Variants in CAMK2N1 observed in about 807,000 individuals in gnomAD.
CAMK2N1 encodes calcium/calmodulin dependent protein kinase II inhibitor 1, also known as calcium/calmodulin-dependent protein kinase II inhibitor 1.
Under a neutral mutation model 6.4 loss-of-function variants are expected in CAMK2N1, and 2 were observed. That is an observed-to-expected ratio of 0.31 (90% CI 0.13 to 0.98). The LOEUF (loss-of-function observed/expected upper bound fraction) is 0.98, where lower values mean the gene tolerates loss of function less well. Among genes scored for constraint, CAMK2N1 ranks in the 50% least tolerant of loss-of-function variants. The probability of loss-of-function intolerance (pLI) is 0.51; values close to 1 mark genes in which losing one functional copy is unlikely to be tolerated. For synonymous variants in CAMK2N1, 42 were observed against 47.5 expected (o/e 0.88, Z 0.47); for missense variants, 77 against 107.3 (o/e 0.72, Z 1.25).
In CAMK2N1 at chr1:20,482,903, T is replaced by TA. The variant is rs766892818; in HGVS notation, c.*745dup. 2 of 146,132 alleles carry TA rather than the reference T, an allele frequency of 1.4e-5. No homozygotes were observed. Among genetic ancestry groups the TA allele is most frequent in the Non-Finnish European group, 3.0e-5 (2 of 66,370 alleles). 9.1% of individuals were successfully genotyped at this position (146,132 alleles called of 1,614,324 possible). A position where few individuals can be genotyped will look rare whatever the true frequency, so the allele number is the denominator to read the frequency against. ...TGTGTGTGTGTGTGTTTTTCTGACA[T>TA]AAAAAATGTGTCCATTTGCATTAAC... is the stretch of plus-strand genomic sequence containing the variant. On this transcript the variant is annotated 3_prime_UTR_variant, in exon 2 of 2. Coordinates refer to ENST00000375078, the MANE Select transcript of CAMK2N1 (RefSeq NM_018584.6).
At position 20,482,856 on chromosome 1, in the gene CAMK2N1, C is replaced by CATGTGTGTGT. The variant is rs143510553; in HGVS notation, c.*792_*793insACACACACAT. 6.8e-6 allele frequency: 1 copy of CATGTGTGTGT among 146,388 alleles called. No individual in the cohort carries two copies. Among genetic ancestry groups the CATGTGTGTGT allele is most frequent in the Non-Finnish European group, 1.5e-5 (1 of 66,790 alleles). The allele number at this position is 146,388 out of a possible 1,614,324, so 9.1% of individuals were successfully genotyped here. A position where few individuals can be genotyped will look rare whatever the true frequency, so the allele number is the denominator to read the frequency against. ...CTCAAGCATTTTTTTCTTTGTTTTT[C>CATGTGTGTGT]GTGTGTGTGTGTGTGTGTGTGTGTG... On this transcript the variant is annotated 3_prime_UTR_variant, in exon 2 of 2. Coordinates refer to ENST00000375078, the MANE Select transcript of CAMK2N1 (RefSeq NM_018584.6).
At chr1:20,483,812 G>T in intron 1 of CAMK2N1, 93 bp from the exon 2 acceptor site, 1 of 1,137,798 alleles carries the variant, frequency 8.8e-7, no homozygotes, top group East Asian at 2.4e-5. Context: ...GGGAGGTCGG[G>T]AGAGGAGAGG....
In CAMK2N1 at chr1:20,485,230, G is replaced by T; in HGVS notation, c.150C>A (p.Ile50=). 1 of 1,597,162 alleles carries T rather than the reference G, an allele frequency of 6.3e-7. No homozygotes were observed. The highest frequency in any genetic ancestry group is 8.5e-7 in the Non-Finnish European group (1 of 1,174,760). ...QNKRPPKLGQ[I]GRSKRVVIED... ...CGAACTCACCCCGCTTGCTCCGGCCGATCTGGCCCAGCTTGGGCGGCCGCT... is the reference window on the plus strand; with the variant it reads ...CGAACTCACCCCGCTTGCTCCGGCCTATCTGGCCCAGCTTGGGCGGCCGCT... Residue 50 remains isoleucine, a synonymous_variant, in exon 1 of 2, where the codon ATC becomes ATA. Coordinates refer to ENST00000375078, the MANE Select transcript of CAMK2N1 (RefSeq NM_018584.6). This position sits in a 1 kb window ranked among gnomAD's most constrained non-coding sequence, Gnocchi z 8.4.
At position 20,486,160 on chromosome 1, in the gene CAMK2N1, G is replaced by C. The variant is rs1373879427; in HGVS notation, c.-781C>G. ...GAGGGAAGGAAGGGAGAAAAACAGAGGGGGGAGAGGGAGGCAGGGATAGAG... is the reference window on the plus strand; with the variant it reads ...GAGGGAAGGAAGGGAGAAAAACAGACGGGGGAGAGGGAGGCAGGGATAGAG... On this transcript the variant is annotated 5_prime_UTR_variant, in exon 1 of 2. Coordinates refer to ENST00000375078, the MANE Select transcript of CAMK2N1 (RefSeq NM_018584.6). The surrounding 1 kb of genome is among the most constrained non-coding windows in gnomAD (Gnocchi z 6.5). The C allele has an allele frequency of 6.6e-6, 1 of 151,770 alleles. No homozygotes were observed. Among genetic ancestry groups the C allele is most frequent in the East Asian group, 2.0e-4 (1 of 5,068 alleles). The allele number at this position is 151,770 out of a possible 1,614,324, so 9.4% of individuals were successfully genotyped here.
rs1348650830 is a variant in CAMK2N1, at chr1:20,483,846, C to A, written c.167-127G>T. The A allele has an allele frequency of 1.5e-5, 12 of 788,648 alleles. No individual in the cohort carries two copies. In the Admixed American group the frequency reaches 2.2e-4, roughly 14 times the overall value. The allele number at this position is 788,648 out of a possible 1,614,324, so 48.9% of individuals were successfully genotyped here. On this transcript the variant is annotated intron_variant, in intron 1 of 1. Transcript: ENST00000375078. ...GGGCGAGGGAGCAGGGCTCACTGCGCGGTGAAACAGCTCCATCCTCCGTCC... is the reference window on the plus strand; with the variant it reads ...GGGCGAGGGAGCAGGGCTCACTGCGAGGTGAAACAGCTCCATCCTCCGTCC...
chr1:20,485,092 T>C lies in CAMK2N1; in HGVS notation c.166+122A>G. ...GGACCCGCAGTGCGGGATCCCCCAATTCTGCAAGAAGGGATTCCGTCAGGT... is the reference window on the plus strand; with the variant it reads ...GGACCCGCAGTGCGGGATCCCCCAACTCTGCAAGAAGGGATTCCGTCAGGT... On this transcript the variant is annotated intron_variant, in intron 1 of 1. Transcript: ENST00000375078. The surrounding 1 kb of genome is among the most constrained non-coding windows in gnomAD (Gnocchi z 8.4). 8.7e-7 allele frequency: 1 copy of C among 1,146,124 alleles called. No individual in the cohort carries two copies. Among genetic ancestry groups the C allele is most frequent in the Non-Finnish European group, 1.2e-6 (1 of 850,782 alleles). The allele number at this position is 1,146,124 out of a possible 1,614,324, so 71.0% of individuals were successfully genotyped here.
chr1:20,485,062 C>T lies in CAMK2N1; in HGVS notation c.166+152G>A. The T allele has an allele frequency of 1.1e-6, 1 of 926,592 alleles. No individual in the cohort carries two copies. The highest frequency in any genetic ancestry group is 1.5e-6 in the Non-Finnish European group (1 of 662,750). The allele number at this position is 926,592 out of a possible 1,614,324, so 57.4% of individuals were successfully genotyped here. A position where few individuals can be genotyped will look rare whatever the true frequency, so the allele number is the denominator to read the frequency against. On this transcript the variant is annotated intron_variant, in intron 1 of 1. Transcript: ENST00000375078. This position sits in a 1 kb window ranked among gnomAD's most constrained non-coding sequence, Gnocchi z 8.4. Reference sequence around the variant, plus strand: ...GGGGACGCGTTCCTGCGACCCGCTTCAGCCGGACCCGCAGTGCGGGATCCC... The same window carrying T: ...GGGGACGCGTTCCTGCGACCCGCTTTAGCCGGACCCGCAGTGCGGGATCCC...
At position 20,483,627 on chromosome 1, in the gene CAMK2N1, T is replaced by G. The variant is rs1244472016; in HGVS notation, c.*22A>C. ...TTACCGCCGTTCTTATTCTCTCCCT[T>G]AACTCATTGTCTTTGGGGGAGTTAG... On this transcript the variant is annotated 3_prime_UTR_variant, in exon 2 of 2. Coordinates refer to ENST00000375078, the MANE Select transcript of CAMK2N1 (RefSeq NM_018584.6). 6.2e-7 allele frequency: 1 copy of G among 1,602,088 alleles called. No individual in the cohort carries two copies. Among genetic ancestry groups the G allele is most frequent in the Non-Finnish European group, 8.6e-7 (1 of 1,169,028 alleles).
rs532495482 is a variant in CAMK2N1, at chr1:20,483,439, T to C, written c.*210A>G. The C allele has an allele frequency of 1.3e-5, 5 of 376,182 alleles. No individual in the cohort carries two copies. Among genetic ancestry groups the C allele is most frequent in the Non-Finnish European group, 2.4e-5 (5 of 212,002 alleles). The allele number at this position is 376,182 out of a possible 1,614,324, so 23.3% of individuals were successfully genotyped here. A position where few individuals can be genotyped will look rare whatever the true frequency, so the allele number is the denominator to read the frequency against. ...AATTTTATTTATTTTTTTATTTTTA[T>C]TTTTGCAGAGGAGCCCAGAGCCTTC... On this transcript the variant is annotated 3_prime_UTR_variant, in exon 2 of 2. Transcript: ENST00000375078.
chr1:20,483,792 T>G, intron 1 of CAMK2N1, 73 bp from the exon 2 acceptor site: 1 of 1,372,222 alleles, frequency 7.3e-7, no homozygotes, highest in South Asian at 1.2e-5. Context: ...TTTCCCGTTA[T>G]GCCCAGAGTG....
chr1:20,484,241 C>T lies in CAMK2N1; in HGVS notation c.167-522G>A, dbSNP rs906183280. The T allele has an allele frequency of 2.0e-5, 3 of 153,180 alleles. No homozygotes were observed. Among genetic ancestry groups the T allele is most frequent in the Admixed American group, 2.0e-4 (3 of 15,354 alleles). The allele number at this position is 153,180 out of a possible 1,614,324, so 9.5% of individuals were successfully genotyped here. ...GGCCTGGCCTGGGCGGGCGCCCCCT[C>T]CTGCGCGCCCTCTCCCAGCCGCTGG... On this transcript the variant is annotated intron_variant, in intron 1 of 1. Coordinates refer to ENST00000375078, the MANE Select transcript of CAMK2N1 (RefSeq NM_018584.6). The surrounding 1 kb of genome is among the most constrained non-coding windows in gnomAD (Gnocchi z 6.8).
chr1:20,483,450 G>A lies in CAMK2N1; in HGVS notation c.*199C>T. 1 of 403,854 alleles carries A rather than the reference G, an allele frequency of 2.5e-6. No homozygotes were observed. Among genetic ancestry groups the A allele is most frequent in the Non-Finnish European group, 4.4e-6 (1 of 226,674 alleles). 25.0% of individuals were successfully genotyped at this position (403,854 alleles called of 1,614,324 possible). A position where few individuals can be genotyped will look rare whatever the true frequency, so the allele number is the denominator to read the frequency against. On this transcript the variant is annotated 3_prime_UTR_variant, in exon 2 of 2. Coordinates refer to ENST00000375078, the MANE Select transcript of CAMK2N1 (RefSeq NM_018584.6). The stretch of plus-strand genomic sequence containing the variant: ...TTTTTTTATTTTTATTTTTGCAGAG[G>A]AGCCCAGAGCCTTCTCCTCCTCCTC...
Position 20,484,850 on chromosome 1 carries a change from C to A in CAMK2N1, c.166+364G>T, listed in dbSNP as rs59815846. 2.0e-5 allele frequency among the ~76,000 whole-genome samples: 3 copies of A among 152,216 alleles called. No homozygotes were observed. The highest frequency in any genetic ancestry group is 6.5e-5 in the Admixed American group (1 of 15,290). ...TCCCCACGCAGGTCCCCACGCCGTC[C>A]CCTGGGGGTCCCTGGGACCCCCTCC... On this transcript the variant is annotated intron_variant, in intron 1 of 1. Transcript: ENST00000375078. The surrounding 1 kb of genome is among the most constrained non-coding windows in gnomAD (Gnocchi z 6.8).
chr1:20,485,076 G>T lies in CAMK2N1; in HGVS notation c.166+138C>A. On this transcript the variant is annotated intron_variant, in intron 1 of 1. Transcript: ENST00000375078. This position sits in a 1 kb window ranked among gnomAD's most constrained non-coding sequence, Gnocchi z 8.4. The stretch of plus-strand genomic sequence containing the variant: ...GCGACCCGCTTCAGCCGGACCCGCA[G>T]TGCGGGATCCCCCAATTCTGCAAGA... The T allele has an allele frequency of 1.9e-6, 2 of 1,030,744 alleles. No homozygotes were observed. The highest frequency in any genetic ancestry group is 2.7e-6 in the Non-Finnish European group (2 of 752,736). 63.8% of individuals were successfully genotyped at this position (1,030,744 alleles called of 1,614,324 possible). A position where few individuals can be genotyped will look rare whatever the true frequency, so the allele number is the denominator to read the frequency against.
Position 20,483,386 on chromosome 1 carries a change from G to A in CAMK2N1, c.*263C>T, listed in dbSNP as rs1256618063. 1 of 207,110 alleles carries A rather than the reference G, an allele frequency of 4.8e-6. No individual in the cohort carries two copies. The highest frequency in any genetic ancestry group is 2.3e-5 in the African/African-American group (1 of 42,940). 12.8% of individuals were successfully genotyped at this position (207,110 alleles called of 1,614,324 possible). ...GACTTCTTTTTATTTCTTTATATGT[G>A]TATATAGTGAATTTTTATTATTTTT... On this transcript the variant is annotated 3_prime_UTR_variant, in exon 2 of 2. Transcript: ENST00000375078.
rs2051490734 is a variant in CAMK2N1 at position 20,484,117 on chromosome 1, C to T, written c.167-398G>A. Among the ~76,000 whole-genome samples, 1 of 152,214 alleles carries T rather than the reference C, an allele frequency of 6.6e-6. No individual in the cohort carries two copies. The highest frequency in any genetic ancestry group is 2.4e-5 in the African/African-American group (1 of 41,466). ...GGGTCTCGGGACCCCAGGTAAGTCC[C>T]GAGCGCAGCTCCGGTGGGCAAGGCT... is the stretch of plus-strand genomic sequence containing the variant. On this transcript the variant is annotated intron_variant, in intron 1 of 1. Coordinates refer to ENST00000375078, the MANE Select transcript of CAMK2N1 (RefSeq NM_018584.6). The surrounding 1 kb of genome is among the most constrained non-coding windows in gnomAD (Gnocchi z 6.8).
Position 20,485,534 on chromosome 1 carries a change from T to G in CAMK2N1, c.-155A>C. The G allele has an allele frequency of 2.8e-6, 1 of 355,228 alleles. No individual in the cohort carries two copies. The highest frequency in any genetic ancestry group is 3.9e-6 in the Non-Finnish European group (1 of 256,884). The allele number at this position is 355,228 out of a possible 1,614,324, so 22.0% of individuals were successfully genotyped here. ...CCGGCGAGAGGCCGGGGGACGCCGCTAGGGCAAGAGCGCGGCACTCGCGCG... is the reference window on the plus strand; with the variant it reads ...CCGGCGAGAGGCCGGGGGACGCCGCGAGGGCAAGAGCGCGGCACTCGCGCG... On this transcript the variant is annotated 5_prime_UTR_variant, in exon 1 of 2. Transcript: ENST00000375078. The surrounding 1 kb of genome is among the most constrained non-coding windows in gnomAD (Gnocchi z 8.4).
In CAMK2N1 at chr1:20,482,892, T is replaced by TGTGTGTGTGTG. The variant is rs1553134054; in HGVS notation, c.*756_*757insCACACACACAC. On this transcript the variant is annotated 3_prime_UTR_variant, in exon 2 of 2. Transcript: ENST00000375078. ...GTGTGTGTGTGTGTGTGTGTGTGTGTTTTTCTGACATAAAAAATGTGTCCA... is the reference window on the plus strand; with the variant it reads ...GTGTGTGTGTGTGTGTGTGTGTGTGTGTGTGTGTGTGTTTTCTGACATAAAAAATGTGTCCA... The TGTGTGTGTGTG allele has an allele frequency of 1.3e-5, 2 of 150,708 alleles. No individual in the cohort carries two copies. The highest frequency in any genetic ancestry group is 1.9e-4 in the East Asian group (1 of 5,130). The allele number at this position is 150,708 out of a possible 1,614,324, so 9.3% of individuals were successfully genotyped here.
chr1:20,483,110 G>A lies in CAMK2N1; in HGVS notation c.*539C>T, dbSNP rs2051481834. 3 of 152,554 alleles carry A rather than the reference G, an allele frequency of 2.0e-5. No homozygotes were observed. In the South Asian group the frequency reaches 6.2e-4, roughly 32 times the overall value. 9.5% of individuals were successfully genotyped at this position (152,554 alleles called of 1,614,324 possible). A position where few individuals can be genotyped will look rare whatever the true frequency, so the allele number is the denominator to read the frequency against. ...ACAGAGATCATTTTCTGAATTTTTT[G>A]TACATCCAAGGATAACAACATAAAA... On this transcript the variant is annotated 3_prime_UTR_variant, in exon 2 of 2. Transcript: ENST00000375078.
Sources: gnomAD v4.1 joint callset for allele counts (sites outside exome capture counted in the v4.1 genomes callset) on GRCh38, gnomAD v4.1.1 for gene constraint, Gnocchi (gnomAD v3.1) non-coding constraint, MANE v1.5 for transcripts, NCBI Gene and HGNC (gene_info 2026-07-23, HGNC 2026-07-21) for gene names.